GALNT11: variants seen among roughly 807,000 people sequenced by gnomAD.
GALNT11 encodes polypeptide N-acetylgalactosaminyltransferase 11, also known as UDP-GalNAc:polypeptide N-acetylgalactosaminyltransferase 11.
GALNT11 carries 47 observed loss-of-function variants against 72.7 expected under a neutral mutation model. The observed-to-expected ratio is 0.65, with a 90% confidence interval of 0.51 to 0.82. The LOEUF (loss-of-function observed/expected upper bound fraction) is 0.82. Among genes scored for constraint, GALNT11 ranks in the 40% least tolerant of loss-of-function variants. The pLI, the probability that GALNT11 is intolerant of heterozygous loss-of-function variation, is 0.00. For synonymous variants in GALNT11, 270 were observed against 286.6 expected, an observed-to-expected ratio of 0.94 and a Z score of 0.58; for missense variants, 677 against 778.4, an observed-to-expected ratio of 0.87 and a Z score of 1.55.
chr7:152,052,004 C>T (rs2083430126), intron 1 of GALNT11, among the ~76,000 whole-genome samples: 1 of 152,164 alleles, frequency 6.6e-6, no homozygotes, highest in South Asian at 2.1e-4. Flanking sequence ...TTCATTACCC[C>T]AAACAGAAAT....
chr7:152,113,152 C>T, intron 7 of GALNT11, 94 bp from the exon 8 acceptor site: 2 of 1,323,654 alleles, frequency 1.5e-6, no homozygotes. Context: ...TTCATAAACA[C>T]CTATTGAATA....
At chr7:152,029,444 G>A (rs992359444) in intron 1 of GALNT11, among the ~76,000 whole-genome samples, 4 of 152,138 alleles carry the variant, frequency 2.6e-5, no homozygotes, top group African/African-American at 9.7e-5. Flanking sequence ...TACTGATAGG[G>A]TCTGATTTCC....
intron 2 of GALNT11, among the ~76,000 whole-genome samples, chr7:152,099,756 CTTTTTTT>C (rs959548417): frequency 2.3e-5 from 2 of 88,730 alleles, no homozygotes; most frequent in South Asian, 7.3e-4. Context: ...AACTGTGAAG[CTTTTTTT>C]TTTTTTTTTT....
chr7:152,074,815 C>T (rs945066340), intron 1 of GALNT11, among the ~76,000 whole-genome samples: 1 of 152,160 alleles, frequency 6.6e-6, no homozygotes, highest in African/African-American at 2.4e-5. Flanking sequence ...TGCCCTATTT[C>T]CTTGAGGCCC....
intron 6 of GALNT11, 55 bp from the exon 7 acceptor site, chr7:152,110,473 A>T (rs2088060864): frequency 8.2e-7 from 1 of 1,218,306 alleles, no homozygotes; most frequent in East Asian, 2.3e-5. Flanking sequence ...AAACAAAAGT[A>T]GTAGGTAAGA....
chr7:152,078,170 G>T lies in GALNT11; in HGVS notation c.-38-16020G>T, dbSNP rs578211875. Among the ~76,000 whole-genome samples, 27 of 152,164 alleles carry T rather than the reference G, an allele frequency of 1.8e-4. No homozygotes were observed. In the South Asian group the frequency reaches 5.4e-3, roughly 31 times the overall value. On this transcript the variant is annotated intron_variant, in intron 1 of 11. Transcript: ENST00000430044. ...TGAGAAAGTCTGACATACGTGATTT[G>T]AATCCTAGAAGGAGAAGAGGGAGGG...
At chr7:152,034,445 T>G (rs1047553874) in intron 1 of GALNT11, among the ~76,000 whole-genome samples, 7 of 152,138 alleles carry the variant, frequency 4.6e-5, no homozygotes, top group Non-Finnish European at 2.9e-5. Context: ...AGAGAGAATA[T>G]GGGGGCCAGG....
At chr7:152,032,295 G>C (rs575996120) in intron 1 of GALNT11, among the ~76,000 whole-genome samples, 11 of 152,158 alleles carry the variant, frequency 7.2e-5, no homozygotes, top group Non-Finnish European at 1.6e-4. Context: ...TGGTCTGTGG[G>C]ATCCTCAAAG....
chr7:152,047,709 T>TGTGTGTGTGTGTGC (rs528749652), intron 1 of GALNT11, among the ~76,000 whole-genome samples: 33 of 151,314 alleles, frequency 2.2e-4, no homozygotes, highest in African/African-American at 7.8e-4. Context: ...TGTGTGTGTG[T>TGTGTGTGTGTGTGC]GCGCACACAC....
At chr7:152,095,455 C>T (rs1055004896) in intron 2 of GALNT11, among the ~76,000 whole-genome samples, 1 of 152,058 alleles carries the variant, frequency 6.6e-6, no homozygotes, top group Non-Finnish European at 1.5e-5. Flanking sequence ...ATAGAGTTTT[C>T]ACTTGGTCAT....
At position 152,033,160 on chromosome 7, in the gene GALNT11, T is replaced by C. The variant is rs182703814; in HGVS notation, c.-39+7276T>C. ...TTGGGGGCTTCTGACCCAGAGAACC[T>C]TTGTCCTCCGGGGCAGTGCGCCTTC... On this transcript the variant is annotated intron_variant, in intron 1 of 11. Transcript: ENST00000430044. 1.5e-3 allele frequency among the ~76,000 whole-genome samples: 232 copies of C among 152,302 alleles called. 2 individuals carry two copies. The highest frequency in any genetic ancestry group is 5.3e-3 in the African/African-American group (222 of 41,562).
In GALNT11 at chr7:152,028,160, G is replaced by T. The variant is rs185063844; in HGVS notation, c.-39+2276G>T. On this transcript the variant is annotated intron_variant, in intron 1 of 11. Transcript: ENST00000430044. ...GCAAAGCTTCCACAGCATGGAAGGG[G>T]ACCCGAGCAGGTTGCCGCTGCTGGC... Among the ~76,000 whole-genome samples the T allele has an allele frequency of 1.4e-4, 21 of 152,320 alleles. No individual in the cohort carries two copies. In the East Asian group the frequency reaches 4.0e-3, roughly 29 times the overall value.
chr7:152,079,951 GTAAA>G (rs1444424634), intron 1 of GALNT11, among the ~76,000 whole-genome samples: 3 of 152,102 alleles, frequency 2.0e-5, no homozygotes, highest in African/African-American at 7.2e-5. Flanking sequence ...CTACTGAAAG[GTAAA>G]TAAATACATT....
At chr7:152,064,579 C>T (rs1045562925) in intron 1 of GALNT11, among the ~76,000 whole-genome samples, 2 of 152,170 alleles carry the variant, frequency 1.3e-5, no homozygotes, top group Non-Finnish European at 2.9e-5. Context: ...CATGTTTTTG[C>T]AGTGTCTGGT....
chr7:152,063,456 A>G (rs1032357845), intron 1 of GALNT11, among the ~76,000 whole-genome samples: 1 of 151,790 alleles, frequency 6.6e-6, no homozygotes, highest in African/African-American at 2.4e-5. Context: ...TTGTGTCTCT[A>G]TCTCCTTCAG....
At chr7:152,077,768 C>T (rs1200065961) in intron 1 of GALNT11, among the ~76,000 whole-genome samples, 1 of 151,796 alleles carries the variant, frequency 6.6e-6, no homozygotes, top group African/African-American at 2.4e-5. Context: ...TCAGTGTAAC[C>T]AGGCCCACTG....
At chr7:152,059,609 A>C (rs1436007928) in intron 1 of GALNT11, among the ~76,000 whole-genome samples, 1 of 152,226 alleles carries the variant, frequency 6.6e-6, no homozygotes, top group Non-Finnish European at 1.5e-5. Context: ...TGAAAACAAC[A>C]TTTATCTCCT....
intron 1 of GALNT11, among the ~76,000 whole-genome samples, chr7:152,071,267 A>G (rs1159786310): frequency 6.6e-6 from 1 of 151,454 alleles, no homozygotes; most frequent in Non-Finnish European, 1.5e-5. Flanking sequence ...ATTCTCAACC[A>G]TAAGAGACGG....
intron 1 of GALNT11, among the ~76,000 whole-genome samples, chr7:152,085,409 A>C (rs2085579370): frequency 6.6e-6 from 1 of 152,206 alleles, no homozygotes; most frequent in Non-Finnish European, 1.5e-5. Flanking sequence ...CAAGTTTATG[A>C]TTGAAAGAAT....
Sources: gnomAD v4.1 joint callset for allele counts (sites outside exome capture counted in the v4.1 genomes callset) on GRCh38, gnomAD v4.1.1 for gene constraint, MANE v1.5 for transcripts, NCBI Gene and HGNC (gene_info 2026-07-23, HGNC 2026-07-21) for gene names.